The following ADAMTSL1 variants were observed in gnomAD, a reference collection of about 807,000 sequenced individuals.
ADAMTSL1 encodes the protein ADAMTS like 1, also known as ADAMTS-like protein 1.
In ADAMTSL1, 126 loss-of-function variants were observed where a neutral mutation model predicts 201.8. The observed-to-expected ratio is 0.62, with a 90% CI of 0.54 to 0.72. The LOEUF (loss-of-function observed/expected upper bound fraction) is 0.72. Ranked by LOEUF, ADAMTSL1 falls within the 30% of genes least tolerant of loss-of-function variation. The pLI, the probability that ADAMTSL1 is intolerant of heterozygous loss-of-function variation, is 0.00. For synonymous variants in ADAMTSL1, 1,121 were observed against 903.4 expected (o/e 1.24, Z -4.32); for missense variants, 2,679 against 2,277.8 (o/e 1.18, Z -3.59).
At chr9:18,310,399 A>ACAAAC (rs1834097119) in intron 2 of ADAMTSL1, among the ~76,000 whole-genome samples, 1 of 127,324 alleles carries the variant, frequency 7.9e-6, no homozygotes, top group Non-Finnish European at 1.7e-5. Context: ...AAAAAAAAAA[A>ACAAAC]CTATCTTCAG....
intron 3 of ADAMTSL1, among the ~76,000 whole-genome samples, chr9:18,539,654 T>C (rs1017114184): frequency 2.6e-5 from 4 of 152,324 alleles, no homozygotes; most frequent in African/African-American, 9.6e-5. Flanking sequence ...GCAAGTACTG[T>C]GAGAAAAACA....
chr9:18,494,464 T>A (rs1033612700), intron 1 of ADAMTSL1, among the ~76,000 whole-genome samples: 1 of 151,442 alleles, frequency 6.6e-6, no homozygotes, highest in Non-Finnish European at 1.5e-5. Flanking sequence ...AGTACACAAG[T>A]CAAATGAAAT....
chr9:18,662,665 G>A (rs1389046516), intron 9 of ADAMTSL1, among the ~76,000 whole-genome samples: 1 of 152,132 alleles, frequency 6.6e-6, no homozygotes, highest in Non-Finnish European at 1.5e-5. Context: ...CTTTAAACAG[G>A]CACTTGACAC....
intron 2 of ADAMTSL1, among the ~76,000 whole-genome samples, chr9:18,276,262 T>C (rs1378325571): frequency 1.3e-5 from 2 of 152,240 alleles, no homozygotes; most frequent in Admixed American, 6.5e-5. Context: ...TTGTCAGATA[T>C]ATGTTTAGCA....
intron 3 of ADAMTSL1, among the ~76,000 whole-genome samples, chr9:18,563,842 A>G (rs1449451284): frequency 1.3e-5 from 2 of 152,106 alleles, no homozygotes; most frequent in Non-Finnish European, 2.9e-5. Flanking sequence ...AAGCCTTGGT[A>G]ATGGTGGACG....
chr9:18,597,492 A>G (rs12342640), intron 4 of ADAMTSL1, among the ~76,000 whole-genome samples: 8,714 of 152,304 alleles, frequency 0.057, 388 homozygotes, highest in East Asian at 0.13. Flanking sequence ...TTAAAAGTAT[A>G]TTAAAAATTT....
At chr9:18,025,591 A>G (rs1172956168) in intron 1 of ADAMTSL1, among the ~76,000 whole-genome samples, 2 of 151,984 alleles carry the variant, frequency 1.3e-5, no homozygotes, top group African/African-American at 4.8e-5. Flanking sequence ...TGGATTCTCT[A>G]TTCTGTTCCA....
intron 7 of ADAMTSL1, among the ~76,000 whole-genome samples, chr9:18,656,469 A>G (rs1828670574): frequency 6.6e-6 from 1 of 151,918 alleles, no homozygotes; most frequent in Non-Finnish European, 1.5e-5. Flanking sequence ...CTCTACTAAA[A>G]ATACAAAAAA....
At chr9:18,372,112 T>A (rs1837070546) in intron 2 of ADAMTSL1, among the ~76,000 whole-genome samples, 1 of 152,170 alleles carries the variant, frequency 6.6e-6, no homozygotes, top group South Asian at 2.1e-4. Context: ...AATGACTGAT[T>A]TAGAGAGCAA....
chr9:18,483,909 G>C (rs949316740), intron 1 of ADAMTSL1, among the ~76,000 whole-genome samples: 4 of 152,220 alleles, frequency 2.6e-5, no homozygotes, highest in African/African-American at 9.6e-5. Context: ...GGCAAGAACA[G>C]AGAACTAAAA....
At chr9:18,356,637 A>ACACAC (rs1836253424) in intron 2 of ADAMTSL1, among the ~76,000 whole-genome samples, 1 of 146,920 alleles carries the variant, frequency 6.8e-6, no homozygotes, top group African/African-American at 2.5e-5. Context: ...ACACACACAC[A>ACACAC]ACTTTCCTAC....
At chr9:18,086,318 C>A (rs1056812359) in intron 1 of ADAMTSL1, among the ~76,000 whole-genome samples, 2 of 151,940 alleles carry the variant, frequency 1.3e-5, no homozygotes, top group Admixed American at 1.3e-4. Context: ...AGTTGTGTTG[C>A]AGGAATAAGA....
At chr9:18,434,046 T>C (rs1423937066) in intron 2 of ADAMTSL1, among the ~76,000 whole-genome samples, 1 of 152,206 alleles carries the variant, frequency 6.6e-6, no homozygotes, top group Admixed American at 6.5e-5. Context: ...TGAACTTTTA[T>C]GTAACTTTTC....
chr9:18,825,564 T>A (rs1037814156), intron 21 of ADAMTSL1, among the ~76,000 whole-genome samples: 1 of 152,188 alleles, frequency 6.6e-6, no homozygotes, highest in Admixed American at 6.5e-5. Context: ...TATTTTAACG[T>A]TGTATAGCTT....
At chr9:18,220,776 C>A (rs1587340669) in intron 2 of ADAMTSL1, among the ~76,000 whole-genome samples, 1 of 151,732 alleles carries the variant, frequency 6.6e-6, no homozygotes, top group African/African-American at 2.4e-5. Context: ...AATTGTTACT[C>A]CTAATTTTTT....
At chr9:18,060,263 G>T (rs964135169) in intron 1 of ADAMTSL1, among the ~76,000 whole-genome samples, 1 of 151,982 alleles carries the variant, frequency 6.6e-6, no homozygotes, top group African/African-American at 2.4e-5. Flanking sequence ...CCTTTCTTTT[G>T]CCTGGATCAA....
intron 1 of ADAMTSL1, among the ~76,000 whole-genome samples, chr9:17,985,824 T>C (rs1818906460): frequency 6.6e-6 from 1 of 152,106 alleles, no homozygotes; most frequent in South Asian, 2.1e-4. Context: ...TCTGGAGTTT[T>C]TGTTAGTATG....
At chr9:18,322,827 A>G (rs1834680208) in intron 2 of ADAMTSL1, among the ~76,000 whole-genome samples, 1 of 152,208 alleles carries the variant, frequency 6.6e-6, no homozygotes, top group Admixed American at 6.5e-5. Flanking sequence ...AACCTAGATA[A>G]AATGCATACA....
At chr9:18,581,906 C>G (rs1033501648) in intron 4 of ADAMTSL1, among the ~76,000 whole-genome samples, 1 of 152,226 alleles carries the variant, frequency 6.6e-6, no homozygotes, top group Non-Finnish European at 1.5e-5. Flanking sequence ...GCTTCTGCAT[C>G]TGTGCCTCAG....
Sources: allele counts gnomAD v4.1 joint callset (sites outside exome capture counted in the v4.1 genomes callset), GRCh38; gene constraint gnomAD v4.1.1; transcripts MANE v1.5; gene names NCBI Gene and HGNC (gene_info 2026-07-23, HGNC 2026-07-21).